The following ULK4 variants were observed in gnomAD, a reference collection of about 807,000 sequenced individuals.
ULK4 encodes unc-51 like kinase 4.
ULK4 carries 133 observed loss-of-function variants against 160.6 expected under a neutral mutation model. That is an observed-to-expected ratio of 0.83 (90% CI 0.72 to 0.96). ULK4 has a LOEUF of 0.96. Ranked by LOEUF, ULK4 falls within the 40% of genes least tolerant of loss-of-function variation. The pLI is 0.00. For missense variants in ULK4, 1,580 were observed against 1,499.5 expected (o/e 1.05, Z -0.89); for synonymous variants, 534 against 539.8 (o/e 0.99, Z 0.15).
chr3:41,605,774 T>C (rs577894231), intron 31 of ULK4, among the ~76,000 whole-genome samples: 8 of 152,112 alleles, frequency 5.3e-5, no homozygotes, highest in African/African-American at 1.7e-4. Context: ...TTGACATTCA[T>C]AGAACATTCC....
rs565401580 is a variant in ULK4, at chr3:41,851,341, G to A, written c.1657-15370C>T. ...CTGCATCTATTGAGATAATCATGTG[G>A]TTTTTGTCTTTGGTTCTGTTTATAT... is the stretch of plus-strand genomic sequence containing the variant. On this transcript the variant is annotated intron_variant, in intron 17 of 36. Transcript: ENST00000301831. Among the ~76,000 whole-genome samples, 33 of 152,210 alleles carry A rather than the reference G, an allele frequency of 2.2e-4. No homozygotes were observed. In the East Asian group the frequency reaches 6.4e-3, roughly 29 times the overall value.
At chr3:41,944,276 G>A (rs767113263) in intron 2 of ULK4, among the ~76,000 whole-genome samples, 1 of 152,180 alleles carries the variant, frequency 6.6e-6, no homozygotes, top group African/African-American at 2.4e-5. Flanking sequence ...GTTTGCAAGT[G>A]CAGTTTCCTT....
At chr3:41,298,162 A>G (rs921972200) in intron 35 of ULK4, among the ~76,000 whole-genome samples, 3 of 152,366 alleles carry the variant, frequency 2.0e-5, no homozygotes, top group Admixed American at 1.3e-4. Flanking sequence ...ATGGAAAACA[A>G]TATTTGGCTT....
At chr3:41,646,000 G>T in intron 30 of ULK4, among the ~76,000 whole-genome samples, 1 of 152,064 alleles carries the variant, frequency 6.6e-6, no homozygotes, top group South Asian at 2.1e-4. Flanking sequence ...TTTTATCAGA[G>T]ACTAGGATTG....
At chr3:41,363,175 G>C (rs994117624) in intron 35 of ULK4, among the ~76,000 whole-genome samples, 2 of 152,214 alleles carry the variant, frequency 1.3e-5, no homozygotes, top group Non-Finnish European at 2.9e-5. Context: ...GGCATAAGGA[G>C]CTCCCCGGGG....
intron 5 of ULK4, among the ~76,000 whole-genome samples, chr3:41,930,995 G>T (rs1415966971): frequency 1.3e-5 from 2 of 152,162 alleles, no homozygotes; most frequent in Non-Finnish European, 2.9e-5. Flanking sequence ...ACACCCAAAG[G>T]ATTATAAATC....
chr3:41,713,084 A>G (rs919258060), intron 25 of ULK4, among the ~76,000 whole-genome samples: 1 of 151,856 alleles, frequency 6.6e-6, no homozygotes, highest in African/African-American at 2.4e-5. Context: ...CCACCAAAAA[A>G]AAGAAAAAAA....
chr3:41,672,209 T>A (rs539983293), intron 29 of ULK4, among the ~76,000 whole-genome samples: 1 of 152,158 alleles, frequency 6.6e-6, no homozygotes, highest in Non-Finnish European at 1.5e-5. Flanking sequence ...AGCAATTCCA[T>A]TGCTAGGTAT....
At chr3:41,433,931 T>C (rs554675544) in intron 34 of ULK4, among the ~76,000 whole-genome samples, 15 of 152,150 alleles carry the variant, frequency 9.9e-5, no homozygotes, top group East Asian at 9.7e-4. Context: ...ACCATGTTAG[T>C]CAGGATGGTC....
chr3:41,745,888 A>G (rs2038402080), intron 22 of ULK4, among the ~76,000 whole-genome samples: 1 of 151,634 alleles, frequency 6.6e-6, no homozygotes, highest in Non-Finnish European at 1.5e-5. Flanking sequence ...TAAAAAAATC[A>G]TATTGTTATA....
intron 32 of ULK4, among the ~76,000 whole-genome samples, chr3:41,516,713 A>G (rs553981666): frequency 7.1e-6 from 1 of 141,266 alleles, no homozygotes; most frequent in Admixed American, 7.0e-5. Context: ...GGGGTGGGGG[A>G]AGGTTGAGAT....
chr3:41,790,042 GTTTT>G (rs1313652432), intron 20 of ULK4, among the ~76,000 whole-genome samples, 199 bp from the exon 21 acceptor site: 1 of 152,134 alleles, frequency 6.6e-6, no homozygotes, highest in Admixed American at 6.5e-5. Flanking sequence ...AGCTAAGGTT[GTTTT>G]AAAACACTAG....
chr3:41,647,870 C>T (rs2034576468), intron 30 of ULK4, among the ~76,000 whole-genome samples: 1 of 152,256 alleles, frequency 6.6e-6, no homozygotes, highest in African/African-American at 2.4e-5. Context: ...TTCCCAGCTG[C>T]TTTGTGTACC....
intron 5 of ULK4, among the ~76,000 whole-genome samples, chr3:41,924,040 G>A (rs1716984): frequency 0.67 from 101,570 of 152,082 alleles, 38,347 homozygotes; most frequent in East Asian, 0.83. Flanking sequence ...AAGAAGCAAA[G>A]GCAGAACCAG....
intron 30 of ULK4, among the ~76,000 whole-genome samples, chr3:41,631,793 CTT>C (rs368620202): frequency 2.2e-4 from 34 of 151,922 alleles, no homozygotes; most frequent in African/African-American, 7.0e-4. Flanking sequence ...GTGCAGGACT[CTT>C]TTATGAAGCA....
At position 41,781,663 on chromosome 3, in the gene ULK4, G is replaced by A. The variant is rs142754506; in HGVS notation, c.2193+7998C>T. ...ATGAAACAAAACTGGCCATGGTCAC[G>A]TGCAGTGGCTCATGCCTGTAATCCC... On this transcript the variant is annotated intron_variant, in intron 21 of 36. Transcript: ENST00000301831. Among the ~76,000 whole-genome samples, 1,002 of 152,342 alleles carry A rather than the reference G, an allele frequency of 6.6e-3. 9 individuals carry two copies. The highest frequency in any genetic ancestry group is 0.023 in the African/African-American group (965 of 41,580).
chr3:41,291,400 AAAG>A (rs59932312), intron 35 of ULK4, among the ~76,000 whole-genome samples: 21,313 of 54,230 alleles, frequency 0.39, 1,998 homozygotes, highest in African/African-American at 0.48. Flanking sequence ...GGAGAAAGAA[AAAG>A]AATAACGAAA....
At chr3:41,546,433 C>G (rs920792105) in intron 32 of ULK4, among the ~76,000 whole-genome samples, 1 of 152,118 alleles carries the variant, frequency 6.6e-6, no homozygotes, top group Non-Finnish European at 1.5e-5. Flanking sequence ...AGGTGCATAG[C>G]AAGGACTGCC....
chr3:41,531,493 G>GAAAA, intron 32 of ULK4, among the ~76,000 whole-genome samples: 2 of 136,236 alleles, frequency 1.5e-5, no homozygotes, highest in African/African-American at 5.7e-5. Flanking sequence ...GAGGAGAGGA[G>GAAAA]AGAAGAAGAA....
Sources: gnomAD v4.1 joint callset for allele counts (sites outside exome capture counted in the v4.1 genomes callset) on GRCh38, gnomAD v4.1.1 for gene constraint, MANE v1.5 for transcripts, NCBI Gene and HGNC (gene_info 2026-07-23, HGNC 2026-07-21) for gene names.